Variants in PNLDC1 observed in about 807,000 individuals in gnomAD.
The protein encoded by PNLDC1 is poly(A)-specific ribonuclease PNLDC1.
Under a neutral mutation model 82.0 loss-of-function variants are expected in PNLDC1, and 70 were observed. The ratio of observed to expected loss-of-function variants is 0.85; its 90% confidence interval spans 0.70 to 1.04. The LOEUF (loss-of-function observed/expected upper bound fraction) is 1.04. Ranked by LOEUF, PNLDC1 falls within the 50% of genes least tolerant of loss-of-function variation. The pLI is 0.00. For missense variants in PNLDC1, 631 were observed against 661.1 expected (o/e 0.95, Z 0.50); for synonymous variants, 280 against 249.3 (o/e 1.12, Z -1.16).
upstream of PNLDC1, chr6:159,800,154 C>A (rs1464421905): frequency 6.3e-6 from 4 of 633,714 alleles, no homozygotes; most frequent in Non-Finnish European, 1.1e-5. Flanking sequence ...TGGGCGACGC[C>A]AGCAGCACAC....
upstream of PNLDC1, among the ~76,000 whole-genome samples, chr6:159,799,898 C>T (rs931846429): frequency 6.6e-6 from 1 of 152,168 alleles, no homozygotes; most frequent in African/African-American, 2.4e-5. Flanking sequence ...CCGTGAGCCG[C>T]AGCAAAGGAT....
chr6:159,805,970 C>T lies in PNLDC1; in HGVS notation c.462-13C>T, dbSNP rs372923277. On this transcript the variant is annotated splice_polypyrimidine_tract_variant and intron_variant, in intron 6 of 18. Transcript: ENST00000392167. Reference sequence around the variant, plus strand: ...TTTCTCTGACATGTTCACTTTCATGCGCCCATTTTCAGCTCTCCGGATAAA... The same window carrying T: ...TTTCTCTGACATGTTCACTTTCATGTGCCCATTTTCAGCTCTCCGGATAAA... 43 of 1,603,398 alleles carry T rather than the reference C, an allele frequency of 2.7e-5. No homozygotes were observed. The highest frequency in any genetic ancestry group is 6.7e-5 in the African/African-American group (5 of 74,670).
At chr6:159,805,882 A>ATATACATATTGCAACATATACCCTC in intron 6 of PNLDC1, 101 bp from the exon 7 acceptor site, 2 of 850,456 alleles carry the variant, frequency 2.4e-6, no homozygotes, top group Non-Finnish European at 4.0e-6. Flanking sequence ...ATATTGCAAC[A>ATATACATATTGCAACATATACCCTC]TGAAAACCAG....
chr6:159,819,392 C>G lies in PNLDC1; in HGVS notation c.1532+40C>G. On this transcript the variant is annotated intron_variant, in intron 18 of 18. Coordinates refer to ENST00000392167, the MANE Select transcript of PNLDC1 (RefSeq NM_001271862.2). This position sits in a 1 kb window ranked among gnomAD's most constrained non-coding sequence, Gnocchi z 4.6. ...GAGGCCACCTGCCTGTCCTGGGGTC[C>G]TGGAGTGCCCGGGGTCCCAGCATCC... 6.3e-7 allele frequency: 1 copy of G among 1,575,092 alleles called. No individual in the cohort carries two copies. Among genetic ancestry groups the G allele is most frequent in the Non-Finnish European group, 8.7e-7 (1 of 1,151,898 alleles).
chr6:159,804,888 GAAA>G (rs897991179), intron 6 of PNLDC1, among the ~76,000 whole-genome samples: 1 of 152,188 alleles, frequency 6.6e-6, no homozygotes, highest in Non-Finnish European at 1.5e-5. Context: ...TGTTTAAAAA[GAAA>G]AAGAAACTGA....
At chr6:159,809,576 G>A (rs1272758041) in intron 9 of PNLDC1, among the ~76,000 whole-genome samples, 1 of 151,564 alleles carries the variant, frequency 6.6e-6, no homozygotes, top group East Asian at 1.9e-4. Flanking sequence ...TTATAGGCAT[G>A]AGCCACTGCA....
intron 6 of PNLDC1, 82 bp from the exon 7 acceptor site, chr6:159,805,901 G>C: frequency 9.8e-7 from 1 of 1,017,426 alleles, no homozygotes; most frequent in Non-Finnish European, 1.6e-6. Flanking sequence ...AGAGGGTTCA[G>C]AAACTGCTCT....
chr6:159,814,731 C>A (rs560021292), intron 12 of PNLDC1, among the ~76,000 whole-genome samples: 2 of 152,286 alleles, frequency 1.3e-5, no homozygotes, highest in South Asian at 4.1e-4. Flanking sequence ...CTCACTGGTT[C>A]TGTGAGTGAC....
chr6:159,815,951 ATTTTTC>A lies in PNLDC1; in HGVS notation c.996-13_996-8del, dbSNP rs1781799678. On this transcript the variant is annotated splice_polypyrimidine_tract_variant and intron_variant, in intron 12 of 18. Coordinates refer to ENST00000392167, the MANE Select transcript of PNLDC1 (RefSeq NM_001271862.2). The stretch of plus-strand genomic sequence containing the variant: ...CTTTCAGCAAATTGTTTTTTATTCT[ATTTTTC>A]TTTTCCAATAGTGACTTGAATCCCA... The A allele has an allele frequency of 1.2e-6, 2 of 1,602,800 alleles. No individual in the cohort carries two copies. Among genetic ancestry groups the A allele is most frequent in the East Asian group, 4.5e-5 (2 of 44,776 alleles).
intron 1 of PNLDC1, 70 bp downstream of exon 1, chr6:159,800,453 G>A: frequency 4.7e-6 from 7 of 1,492,416 alleles, no homozygotes; most frequent in Non-Finnish European, 5.4e-6. Context: ...AGGAGGGGGT[G>A]GCGGGACGGT....
intron 15 of PNLDC1, among the ~76,000 whole-genome samples, chr6:159,817,668 C>T (rs921368661): frequency 3.3e-5 from 5 of 152,310 alleles, no homozygotes; most frequent in South Asian, 4.1e-4. Flanking sequence ...GCCCTGGGCA[C>T]GTAGGCACCA....
In PNLDC1 at chr6:159,800,981, A is replaced by G. The variant is rs577656226; in HGVS notation, c.135-132A>G. On this transcript the variant is annotated intron_variant, in intron 2 of 18. Transcript: ENST00000392167. The stretch of plus-strand genomic sequence containing the variant: ...CTTGCTTTTTTCTGTCCACTAAATG[A>G]TGGTAGTGCTCCCTAGTTGTTGTAA... 6 of 1,436,504 alleles carry G rather than the reference A, an allele frequency of 4.2e-6. No homozygotes were observed. In the African/African-American group the frequency reaches 4.2e-5, roughly 10 times the overall value. 89.0% of individuals were successfully genotyped at this position (1,436,504 alleles called of 1,614,324 possible).
chr6:159,815,866 A>G (rs890494576), intron 12 of PNLDC1, 103 bp from the exon 13 acceptor site: 4 of 849,962 alleles, frequency 4.7e-6, no homozygotes, highest in Middle Eastern at 2.3e-4. Context: ...ATATGTCCTC[A>G]GTACATTTAA....
In PNLDC1 at chr6:159,804,601, G is replaced by A. The variant is rs778009657; in HGVS notation, c.425G>A (p.Arg142Lys). The A allele has an allele frequency of 6.2e-7, 1 of 1,611,502 alleles. No homozygotes were observed. The highest frequency in any genetic ancestry group is 2.2e-5 in the East Asian group (1 of 44,860). Reference sequence around the variant, plus strand: ...AATGAAGAACAGGAGAAGAAAATTAGACACGATATCCTGACTGGGAACTGG... The same window carrying A: ...AATGAAGAACAGGAGAAGAAAATTAAACACGATATCCTGACTGGGAACTGG... Reference protein sequence around the residue: ...YMNEEQEKKIRHDILTGNWRV... With the variant: ...YMNEEQEKKIKHDILTGNWRV... Residue 142 changes from arginine (R) to lysine (K), a missense_variant, in exon 6 of 19, where the codon AGA (arginine) becomes AAA (lysine). Coordinates refer to ENST00000392167, the MANE Select transcript of PNLDC1 (RefSeq NM_001271862.2).
chr6:159,812,607 T>A (rs926167689), intron 11 of PNLDC1, among the ~76,000 whole-genome samples: 7 of 152,220 alleles, frequency 4.6e-5, no homozygotes, highest in African/African-American at 1.7e-4. Context: ...GCTTTTTGTC[T>A]GACCTAGAGT....
intron 16 of PNLDC1, 132 bp from the exon 17 acceptor site, chr6:159,818,814 T>C (rs1356444403): frequency 4.2e-5 from 52 of 1,229,140 alleles, no homozygotes; most frequent in Non-Finnish European, 5.8e-5. Flanking sequence ...AAAGCCAACA[T>C]GGACTCATCC....
intron 6 of PNLDC1, 53 bp downstream of exon 6, chr6:159,804,690 A>G: frequency 7.2e-7 from 1 of 1,392,324 alleles, no homozygotes; most frequent in Non-Finnish European, 1.0e-6. Flanking sequence ...TGTTGTCTGC[A>G]TTTCCCGTGG....
At chr6:159,813,900 G>A (rs184635581) in intron 12 of PNLDC1, among the ~76,000 whole-genome samples, 21 of 152,244 alleles carry the variant, frequency 1.4e-4, no homozygotes, top group East Asian at 7.7e-4. Flanking sequence ...ACAGTTGCGC[G>A]ATTACTGTCC....
chr6:159,816,630 CT>C (rs199990987), intron 14 of PNLDC1, 34 bp downstream of exon 14: 159,724 of 1,193,708 alleles, frequency 0.13, 58 homozygotes, highest in South Asian at 0.16. Flanking sequence ...AGGAAACTCA[CT>C]TTTTTTTTTT....
Sources: allele counts gnomAD v4.1 joint callset (sites outside exome capture counted in the v4.1 genomes callset), GRCh38; gene constraint gnomAD v4.1.1; non-coding constraint Gnocchi (gnomAD v3.1); transcripts MANE v1.5; gene names NCBI Gene and HGNC (gene_info 2026-07-23, HGNC 2026-07-21).